DNAH17: variants seen among roughly 807,000 people sequenced by gnomAD.
The protein encoded by DNAH17 is dynein axonemal heavy chain 17.
DNAH17 carries 376 observed loss-of-function variants against 485.6 expected under a neutral mutation model. The ratio of observed to expected loss-of-function variants is 0.77; its 90% confidence interval spans 0.71 to 0.84. The LOEUF (loss-of-function observed/expected upper bound fraction) is 0.84. DNAH17 is among the 40% of genes least tolerant of loss of function. The pLI, the probability that DNAH17 is intolerant of heterozygous loss-of-function variation, is 0.00. For synonymous variants in DNAH17, 3,031 were observed against 2,405.9 expected (o/e 1.26, Z -7.60); for missense variants, 6,370 against 5,839.3 (o/e 1.09, Z -2.96).
intron 5 of DNAH17, 92 bp from the exon 6 acceptor site, chr17:78,571,125 C>T: frequency 7.5e-7 from 1 of 1,339,294 alleles, no homozygotes; most frequent in Non-Finnish European, 1.0e-6. Flanking sequence ...AGACCTGCTC[C>T]TTCAGGAAAT....
At chr17:78,545,149 C>T (rs118011449) in intron 16 of DNAH17, among the ~76,000 whole-genome samples, 2,416 of 152,178 alleles carry the variant, frequency 0.016, 31 homozygotes, top group Non-Finnish European at 0.026. Context: ...TTAGATCACC[C>T]GCCTCCCTCC....
intron 18 of DNAH17, among the ~76,000 whole-genome samples, chr17:78,539,193 G>A (rs548552483): frequency 2.6e-5 from 4 of 152,192 alleles, no homozygotes; most frequent in African/African-American, 4.8e-5. Context: ...TCATGCTACT[G>A]CACTCCAGCC....
intron 18 of DNAH17, among the ~76,000 whole-genome samples, chr17:78,538,223 A>G (rs1439053864): frequency 6.6e-6 from 1 of 151,646 alleles, no homozygotes; most frequent in Non-Finnish European, 1.5e-5. Context: ...AATCACTGAC[A>G]CACAAAGCAG....
chr17:78,556,370 C>CA (rs1212173570), intron 14 of DNAH17, among the ~76,000 whole-genome samples: 10 of 152,206 alleles, frequency 6.6e-5, no homozygotes, highest in African/African-American at 2.4e-4. Flanking sequence ...CTTGAGCCTC[C>CA]AGAAGGAGGC....
intron 11 of DNAH17, among the ~76,000 whole-genome samples, chr17:78,566,092 G>T (rs529124878): frequency 2.0e-4 from 30 of 151,876 alleles, no homozygotes; most frequent in African/African-American, 6.8e-4. Flanking sequence ...AGGAACGGAA[G>T]TAGACCCTCA....
intron 55 of DNAH17, 42 bp from the exon 56 acceptor site, chr17:78,466,858 A>G (rs2088491553): frequency 2.0e-6 from 3 of 1,503,916 alleles, no homozygotes; most frequent in Middle Eastern, 1.7e-4. Flanking sequence ...CTGGGACTGC[A>G]GTGCTGGGGC....
intron 27 of DNAH17, 54 bp downstream of exon 27, chr17:78,510,330 G>T: frequency 6.3e-7 from 1 of 1,592,236 alleles, no homozygotes; most frequent in African/African-American, 1.3e-5. Flanking sequence ...GGTTGGAGGG[G>T]GCAGTTTCAG....
chr17:78,487,663 C>A (rs8079547), intron 44 of DNAH17, among the ~76,000 whole-genome samples: 11 of 151,912 alleles, frequency 7.2e-5, no homozygotes, highest in Non-Finnish European at 1.5e-4. Flanking sequence ...TAGCTGGGAT[C>A]ACAGGCGTGC....
intron 17 of DNAH17, among the ~76,000 whole-genome samples, chr17:78,542,570 T>C (rs1243846659): frequency 6.6e-6 from 1 of 152,130 alleles, no homozygotes; most frequent in Non-Finnish European, 1.5e-5. Flanking sequence ...GTGAGGAGGA[T>C]ATGAAAACCC....
chr17:78,557,653 A>G (rs953410396), intron 14 of DNAH17, among the ~76,000 whole-genome samples: 3 of 150,832 alleles, frequency 2.0e-5, no homozygotes, highest in Non-Finnish European at 4.4e-5. Flanking sequence ...AAAAAAAAAA[A>G]AAAAAAAAAA....
chr17:78,443,340 C>T (rs2087145940), intron 71 of DNAH17, among the ~76,000 whole-genome samples: 2 of 152,162 alleles, frequency 1.3e-5, no homozygotes, highest in Non-Finnish European at 2.9e-5. Flanking sequence ...CAAACCCTGA[C>T]CCCCGCTTCC....
intron 75 of DNAH17, among the ~76,000 whole-genome samples, chr17:78,432,912 C>T (rs1431883133): frequency 7.7e-6 from 1 of 129,864 alleles, no homozygotes; most frequent in Non-Finnish European, 1.7e-5. Context: ...GCCCCCCCCC[C>T]CCGACCCCGG....
chr17:78,529,461 C>T lies in DNAH17; in HGVS notation c.3507+11G>A. 1.2e-6 allele frequency: 2 copies of T among 1,613,468 alleles called. No homozygotes were observed. The highest frequency in any genetic ancestry group is 1.7e-6 in the Non-Finnish European group (2 of 1,179,478). The stretch of plus-strand genomic sequence containing the variant: ...CTCACCTGGACGCAGCCACACCCAC[C>T]CACCACGTACCTGCAGCTTCAAGTG... On this transcript the variant is annotated intron_variant, in intron 22 of 80. Transcript: ENST00000389840.
At chr17:78,478,056 C>A (rs975054011) in intron 51 of DNAH17, among the ~76,000 whole-genome samples, 1 of 148,972 alleles carries the variant, frequency 6.7e-6, no homozygotes, top group Non-Finnish European at 1.5e-5. Flanking sequence ...TTACCATTAT[C>A]ATCTCCACCA....
intron 33 of DNAH17, 28 bp from the exon 34 acceptor site, chr17:78,501,901 C>T (rs2090307798): frequency 1.9e-6 from 3 of 1,612,894 alleles, no homozygotes; most frequent in East Asian, 2.2e-5. Context: ...TTCGATGAGA[C>T]ACCACGGGTG....
rs1473710964 is a variant in DNAH17 at position 78,569,476 on chromosome 17, T to C, written c.1096A>G (p.Ile366Val). 1.2e-6 allele frequency: 2 copies of C among 1,611,218 alleles called. No homozygotes were observed. The highest frequency in any genetic ancestry group is 3.4e-5 in the Admixed American group (2 of 59,594). Residue 366 changes from isoleucine (I) to valine (V), a missense_variant, in exon 8 of 81, where the codon ATC becomes GTC. Transcript: ENST00000389840. The part of the protein sequence containing the change: ...EEVLKGLQGE[I>V]EEVLSGISLA... The stretch of plus-strand genomic sequence containing the variant: ...GAGATGCCACTCAGGACTTCCTCGA[T>C]TTCACCTTGCAGGCCCTTCAGCACC...
At chr17:78,529,254 CG>C (rs1246585535) in intron 22 of DNAH17, among the ~76,000 whole-genome samples, 1 of 152,070 alleles carries the variant, frequency 6.6e-6, no homozygotes, top group Admixed American at 6.5e-5. Flanking sequence ...ACCAATGGAA[CG>C]GAGGGAGCAC....
At chr17:78,569,324 A>AT (rs1261677587) in intron 8 of DNAH17, 51 bp downstream of exon 8, 1 of 1,606,074 alleles carries the variant, frequency 6.2e-7, no homozygotes, top group Non-Finnish European at 8.5e-7. Flanking sequence ...ATCGGGGCTC[A>AT]TATGAACTCA....
chr17:78,485,358 C>T (rs539103722), intron 47 of DNAH17, among the ~76,000 whole-genome samples, 192 bp downstream of exon 47: 85 of 152,222 alleles, frequency 5.6e-4, no homozygotes, highest in African/African-American at 1.9e-3. Context: ...CAAGGGAGCA[C>T]CAGAAAGAGG....
Sources: allele counts gnomAD v4.1 joint callset (sites outside exome capture counted in the v4.1 genomes callset), GRCh38; gene constraint gnomAD v4.1.1; transcripts MANE v1.5; gene names NCBI Gene and HGNC (gene_info 2026-07-23, HGNC 2026-07-21).